Variants in DCAF1 observed in about 807,000 individuals in gnomAD.
DCAF1 encodes DDB1 and CUL4 associated factor 1.
A neutral mutation model predicts 128.0 loss-of-function variants in DCAF1; 15 were observed. The ratio of observed to expected loss-of-function variants is 0.12; its 90% CI spans 0.08 to 0.18. DCAF1 has a LOEUF of 0.18. Among genes scored for constraint, DCAF1 ranks in the 10% least tolerant of loss-of-function variants. The pLI is 1.00. For missense variants in DCAF1, 988 were observed against 1,649.5 expected, an observed-to-expected ratio of 0.60 and a Z score of 6.95; for synonymous variants, 610 against 603.0, an observed-to-expected ratio of 1.01 and a Z score of -0.17.
At chr3:51,473,928 T>C (rs1352080644) in intron 3 of DCAF1, among the ~76,000 whole-genome samples, 4 of 151,562 alleles carry the variant, frequency 2.6e-5, no homozygotes, top group African/African-American at 4.8e-5. Flanking sequence ...CTCAGCCTCC[T>C]GAGTAGCTGG....
chr3:51,484,509 T>C (rs1285859866), intron 2 of DCAF1, among the ~76,000 whole-genome samples: 1 of 151,890 alleles, frequency 6.6e-6, no homozygotes, highest in Non-Finnish European at 1.5e-5. Context: ...AATGCCTACC[T>C]GTAATATATA....
intron 3 of DCAF1, among the ~76,000 whole-genome samples, chr3:51,483,132 T>C (rs1553653599): frequency 6.0e-5 from 5 of 83,258 alleles, no homozygotes; most frequent in Admixed American, 2.8e-4. Context: ...AGAGCAAAAC[T>C]CCGTATGAAA....
At chr3:51,422,176 G>A in intron 14 of DCAF1, 131 bp downstream of exon 14, 1 of 621,988 alleles carries the variant, frequency 1.6e-6, no homozygotes, top group South Asian at 1.9e-5. Context: ...ATAAAGGACA[G>A]ACAAGGAGCC....
intron 6 of DCAF1, 80 bp from the exon 7 acceptor site, chr3:51,443,983 A>C: frequency 8.8e-5 from 121 of 1,382,294 alleles, no homozygotes; most frequent in Non-Finnish European, 1.1e-4. Context: ...TTTCAGTCTC[A>C]TGAAAAAAAT....
In DCAF1 at chr3:51,471,021, C is replaced by T. The variant is rs781803563; in HGVS notation, c.111-16G>A. 3.8e-6 allele frequency: 6 copies of T among 1,576,246 alleles called. No homozygotes were observed. Among genetic ancestry groups the T allele is most frequent in the Non-Finnish European group, 5.2e-6 (6 of 1,152,952 alleles). ...TTGAGACATCCTAGCACAAAGGAAA[C>T]AAGGGGTCAACTCTGGACAAGCATA... On this transcript the variant is annotated splice_polypyrimidine_tract_variant and intron_variant, in intron 3 of 24. Transcript: ENST00000684031.
intron 9 of DCAF1, chr3:51,436,336 A>G (rs940835136): frequency 9.6e-6 from 5 of 518,734 alleles, no homozygotes; most frequent in Non-Finnish European, 1.5e-5. Context: ...TGGGCTTAAG[A>G]GAGTTCAGAA....
chr3:51,496,022 T>C (rs1170548789), intron 2 of DCAF1, among the ~76,000 whole-genome samples: 1 of 150,838 alleles, frequency 6.6e-6, no homozygotes, highest in Non-Finnish European at 1.5e-5. Context: ...CCGGGCACAG[T>C]GGCTCACACC....
intron 9 of DCAF1, 133 bp downstream of exon 9, chr3:51,440,837 C>T (rs556090762): frequency 2.5e-5 from 16 of 637,058 alleles, no homozygotes; most frequent in South Asian, 4.0e-5. Flanking sequence ...ACCCAGGAGG[C>T]GGAGGTTGCA....
chr3:51,437,266 C>CA (rs71633071), intron 9 of DCAF1: 15,603 of 252,772 alleles, frequency 0.062, 298 homozygotes, highest in Non-Finnish European at 0.073. Flanking sequence ...GACTCCATGT[C>CA]AAAAAAAAAA....
intron 3 of DCAF1, among the ~76,000 whole-genome samples, chr3:51,482,764 CAAAAAAA>C (rs797042469): frequency 2.7e-4 from 8 of 29,988 alleles, no homozygotes; most frequent in Admixed American, 3.1e-4. Context: ...CACTCCATCT[CAAAAAAA>C]AAAAAAAAAA....
At chr3:51,442,716 A>G (rs1553639189) in intron 7 of DCAF1, among the ~76,000 whole-genome samples, 2 of 152,154 alleles carry the variant, frequency 1.3e-5, no homozygotes, top group African/African-American at 4.8e-5. Flanking sequence ...AGAAAAAAAA[A>G]AGAGAGGGAT....
chr3:51,432,432 A>T (rs1700473903), intron 10 of DCAF1, among the ~76,000 whole-genome samples: 1 of 151,446 alleles, frequency 6.6e-6, no homozygotes, highest in Non-Finnish European at 1.5e-5. Context: ...CGTGTGTGTG[A>T]ATGAATCAGT....
At chr3:51,464,594 G>T (rs1703940509) in intron 5 of DCAF1, among the ~76,000 whole-genome samples, 1 of 152,024 alleles carries the variant, frequency 6.6e-6, no homozygotes, top group African/African-American at 2.4e-5. Context: ...TACTCAGGAG[G>T]CTGAGGCAGG....
At position 51,470,027 on chromosome 3, in the gene DCAF1, A is replaced by T. The variant is rs146934928; in HGVS notation, c.187+902T>A. ...CAGAGCAAGATGCCATCTCAAAAAA[A>T]AATAATAATAATAAATAAGCCCAAA... On this transcript the variant is annotated intron_variant, in intron 4 of 24. Transcript: ENST00000684031. Among the ~76,000 whole-genome samples, 1,097 of 152,288 alleles carry T rather than the reference A, an allele frequency of 7.2e-3. 12 individuals are homozygous for T. The highest frequency in any genetic ancestry group is 0.021 in the African/African-American group (885 of 41,576).
At chr3:51,460,274 C>CA (rs1703396929) in intron 6 of DCAF1, among the ~76,000 whole-genome samples, 1 of 151,914 alleles carries the variant, frequency 6.6e-6, no homozygotes, top group South Asian at 2.1e-4. Context: ...CACAGACAAA[C>CA]AAGAGAGCCA....
At chr3:51,418,913 G>A (rs371051246) in intron 15 of DCAF1, 37 bp from the exon 16 acceptor site, 1 of 1,544,412 alleles carries the variant, frequency 6.5e-7, no homozygotes, top group Non-Finnish European at 8.7e-7. Context: ...GGCAAAGAAT[G>A]TGCAGGGACT....
Position 51,413,296 on chromosome 3 carries a change from T to G in DCAF1, c.4022A>C (p.Asp1341Ala). Residue 1341 changes from aspartate (D) to alanine (A), a missense_variant, in exon 21 of 25, where the codon GAC becomes GCC. Physicochemically the swap from Asp to Ala is moderately radical, Grantham distance 126 (BLOSUM62 -2). Coordinates refer to ENST00000684031, the MANE Select transcript of DCAF1 (RefSeq NM_001387579.1). ...TTTCTGCTTACCTATAGGTTTGTAG[T>G]CAGTTGCATTAAATGTTCGGAAGGA... The part of the protein sequence containing the change: ...GSSFRTFNAT[D>A]YKPIATIDVK... 6.2e-7 allele frequency: 1 copy of G among 1,613,464 alleles called. No homozygotes were observed. Among genetic ancestry groups the G allele is most frequent in the Non-Finnish European group, 8.5e-7 (1 of 1,179,696 alleles).
intron 23 of DCAF1, among the ~76,000 whole-genome samples, chr3:51,404,970 G>C (rs1395585092): frequency 3.3e-5 from 5 of 152,226 alleles, no homozygotes; most frequent in Admixed American, 2.0e-4. Flanking sequence ...TGGGAAAGGA[G>C]AGCGGGGTCA....
chr3:51,431,729 A>G (rs974496573), intron 10 of DCAF1, among the ~76,000 whole-genome samples: 1 of 151,774 alleles, frequency 6.6e-6, no homozygotes, highest in African/African-American at 2.4e-5. Flanking sequence ...TGGTGGGAGG[A>G]GTACTTGAGT....
Sources: allele counts gnomAD v4.1 joint callset (sites outside exome capture counted in the v4.1 genomes callset), GRCh38; gene constraint gnomAD v4.1.1; transcripts MANE v1.5; gene names NCBI Gene and HGNC (gene_info 2026-07-23, HGNC 2026-07-21).